The following RAPGEF2 variants were observed in gnomAD, a reference collection of about 807,000 sequenced individuals.
RAPGEF2 encodes PDZ domain containing guanine nucleotide exchange factor (GEF) 1.
Under a neutral mutation model 186.7 loss-of-function variants are expected in RAPGEF2, and 54 were observed. The observed-to-expected ratio is 0.29, with a 90% CI of 0.23 to 0.36. The LOEUF is 0.36. RAPGEF2 is among the 10% of genes least tolerant of loss of function. The pLI is 1.00. For synonymous variants in RAPGEF2, 712 were observed against 705.9 expected, an observed-to-expected ratio of 1.01 and a Z score of -0.14; for missense variants, 1,532 against 2,045.0, an observed-to-expected ratio of 0.75 and a Z score of 4.84.
chr4:159,192,743 C>T (rs1405008699), intron 2 of RAPGEF2, among the ~76,000 whole-genome samples: 1 of 152,214 alleles, frequency 6.6e-6, no homozygotes, highest in Middle Eastern at 3.4e-3. Context: ...TTAATTAGAG[C>T]CTTAGAGCCT....
chr4:159,304,528 T>A, intron 8 of RAPGEF2, 55 bp downstream of exon 8: 10 of 1,513,360 alleles, frequency 6.6e-6, no homozygotes, highest in Non-Finnish European at 9.1e-6. Context: ...CCAAGAAATT[T>A]TAAGGTTCTC....
chr4:159,201,657 G>T (rs1009763511), intron 3 of RAPGEF2, among the ~76,000 whole-genome samples: 1 of 152,222 alleles, frequency 6.6e-6, no homozygotes, highest in African/African-American at 2.4e-5. Context: ...AAAGGGTTTC[G>T]ATAGAGACTT....
At chr4:159,322,961 G>A (rs968927540) in intron 10 of RAPGEF2, among the ~76,000 whole-genome samples, 20 of 152,008 alleles carry the variant, frequency 1.3e-4, no homozygotes, top group African/African-American at 4.8e-4. Context: ...TCGAGATTTG[G>A]GTGGGGACAC....
At chr4:159,356,251 C>A (rs1240015235) in intron 29 of RAPGEF2, 93 bp downstream of exon 29, 2 of 1,289,488 alleles carry the variant, frequency 1.6e-6, no homozygotes, top group South Asian at 1.4e-5. Context: ...ACACTGCAGT[C>A]AGCTATGTCT....
chr4:159,348,579 T>A (rs1279340656), intron 25 of RAPGEF2, among the ~76,000 whole-genome samples: 2 of 152,216 alleles, frequency 1.3e-5, no homozygotes, highest in Non-Finnish European at 2.9e-5. Flanking sequence ...TGTTTCTTTA[T>A]ATATTACGTT....
At chr4:159,112,569 G>A (rs891434444) in intron 1 of RAPGEF2, among the ~76,000 whole-genome samples, 44 of 152,090 alleles carry the variant, frequency 2.9e-4, no homozygotes, top group African/African-American at 1.0e-3. Flanking sequence ...AGGGAAGAAA[G>A]TATCCATGAG....
chr4:159,229,507 C>T (rs1165948629), intron 4 of RAPGEF2: 1 of 152,168 alleles, frequency 6.6e-6, no homozygotes, highest in Non-Finnish European at 1.5e-5. Flanking sequence ...TGTTTCATTG[C>T]CTATGGGTAT....
chr4:159,340,580 T>G (rs1436762358), intron 19 of RAPGEF2, among the ~76,000 whole-genome samples: 1 of 152,104 alleles, frequency 6.6e-6, no homozygotes, highest in Non-Finnish European at 1.5e-5. Flanking sequence ...CCTACTATGC[T>G]CATTCTGTTT....
In RAPGEF2 at chr4:159,149,896, A is replaced by G. The variant is rs1199874124; in HGVS notation, c.70-36746A>G. On this transcript the variant is annotated intron_variant, in intron 1 of 29. Coordinates refer to ENST00000691494, the MANE Select transcript of RAPGEF2 (RefSeq NM_001394067.2). The stretch of plus-strand genomic sequence containing the variant: ...TAAACAGATGTGATGTTGAAAATGT[A>G]ATTTCAAAACTTTATAAAATGTTGT... Among the ~76,000 whole-genome samples the G allele has an allele frequency of 3.3e-5, 5 of 152,180 alleles. No homozygotes were observed. The East Asian group carries it at 9.6e-4, about 29-fold the overall frequency.
intron 3 of RAPGEF2, among the ~76,000 whole-genome samples, chr4:159,208,092 G>T (rs1023372065): frequency 3.9e-5 from 6 of 152,166 alleles, no homozygotes; most frequent in Non-Finnish European, 8.8e-5. Flanking sequence ...TTTTCTTGAG[G>T]CATTGCTGTT....
chr4:159,290,578 A>G (rs1035715411), intron 7 of RAPGEF2, among the ~76,000 whole-genome samples: 10 of 152,340 alleles, frequency 6.6e-5, no homozygotes, highest in South Asian at 6.2e-4. Context: ...GGAAGAATGT[A>G]CTTTCTAAGA....
chr4:159,253,295 C>T (rs1755695142), intron 7 of RAPGEF2, among the ~76,000 whole-genome samples: 1 of 152,096 alleles, frequency 6.6e-6, no homozygotes, highest in South Asian at 2.1e-4. Context: ...TTATTAAAAC[C>T]CATTGGTCTT....
intron 7 of RAPGEF2, among the ~76,000 whole-genome samples, chr4:159,283,562 T>C (rs1249589539): frequency 6.6e-6 from 1 of 152,184 alleles, no homozygotes; most frequent in Non-Finnish European, 1.5e-5. Flanking sequence ...CATGAATCAT[T>C]ATCAGAGAGA....
intron 7 of RAPGEF2, among the ~76,000 whole-genome samples, chr4:159,255,243 C>T (rs1023265892): frequency 2.6e-5 from 4 of 151,992 alleles, no homozygotes; most frequent in African/African-American, 7.3e-5. Flanking sequence ...ATGTATTCCC[C>T]GTCATTCTGT....
At chr4:159,114,241 T>G (rs1738802942) in intron 1 of RAPGEF2, among the ~76,000 whole-genome samples, 1 of 151,994 alleles carries the variant, frequency 6.6e-6, no homozygotes, top group East Asian at 1.9e-4. Flanking sequence ...GTAGCTGGGA[T>G]TACAGGTGCA....
chr4:159,254,337 A>G (rs1206992936), intron 7 of RAPGEF2, among the ~76,000 whole-genome samples: 1 of 152,222 alleles, frequency 6.6e-6, no homozygotes, highest in Non-Finnish European at 1.5e-5. Context: ...AGCAAGTAAC[A>G]TTTTAATGTC....
intron 3 of RAPGEF2, among the ~76,000 whole-genome samples, chr4:159,208,166 T>A (rs191268369): frequency 3.9e-4 from 60 of 152,342 alleles, no homozygotes; most frequent in Non-Finnish European, 5.9e-4. Flanking sequence ...CACTGCTGAT[T>A]CACTTTGGAA....
At chr4:159,189,597 G>A (rs1747905308) in intron 2 of RAPGEF2, among the ~76,000 whole-genome samples, 1 of 152,174 alleles carries the variant, frequency 6.6e-6, no homozygotes, top group Admixed American at 6.5e-5. Flanking sequence ...CAGCATCATG[G>A]ATGAGTGTAA....
chr4:159,125,769 A>G (rs1244806126), intron 1 of RAPGEF2, among the ~76,000 whole-genome samples: 1 of 151,366 alleles, frequency 6.6e-6, no homozygotes, highest in African/African-American at 2.5e-5. Context: ...AAAAAAAAAA[A>G]AAATAATAAT....
Sources: gnomAD v4.1 joint callset for allele counts (sites outside exome capture counted in the v4.1 genomes callset) on GRCh38, gnomAD v4.1.1 for gene constraint, MANE v1.5 for transcripts, NCBI Gene and HGNC (gene_info 2026-07-23, HGNC 2026-07-21) for gene names.